DRC8: variants seen among roughly 807,000 people sequenced by gnomAD.
DRC8 encodes dynein regulatory complex protein 8.
At chr1:244,983,064 A>G in the DRC8 span, among the ~76,000 whole-genome samples, 1 of 151,954 alleles carries the variant, frequency 6.6e-6, no homozygotes, top group East Asian at 1.9e-4. Flanking sequence ...CTCCTAGGGA[A>G]AAAAAAAGAA....
chr1:245,019,400 C>T, the DRC8 span, among the ~76,000 whole-genome samples: 28 of 152,164 alleles, frequency 1.8e-4, no homozygotes, highest in African/African-American at 5.5e-4. Flanking sequence ...TTAAAAAATT[C>T]GTTTAAAGAT....
At chr1:245,040,991 A>G in the DRC8 span, among the ~76,000 whole-genome samples, 20 of 152,238 alleles carry the variant, frequency 1.3e-4, no homozygotes, top group African/African-American at 4.8e-4. Flanking sequence ...ATAAAACAGG[A>G]TGATGTAACA....
At chr1:244,992,874 A>G in the DRC8 span, among the ~76,000 whole-genome samples, 1 of 152,148 alleles carries the variant, frequency 6.6e-6, no homozygotes, top group African/African-American at 2.4e-5. Context: ...TATCTCTCAT[A>G]ATTTCTGGCT....
At chr1:245,072,766 C>T in the DRC8 span, among the ~76,000 whole-genome samples, 3 of 152,188 alleles carry the variant, frequency 2.0e-5, no homozygotes, top group South Asian at 2.1e-4. Context: ...TGGCTCGGGC[C>T]GTCCCTTGGT....
the DRC8 span, chr1:244,970,355 A>G: frequency 8.5e-6 from 13 of 1,523,440 alleles, no homozygotes; most frequent in African/African-American, 1.8e-4. Flanking sequence ...GGCGCTGAGC[A>G]GGCCGGGACA....
the DRC8 span, among the ~76,000 whole-genome samples, chr1:245,056,798 G>C: frequency 2.0e-5 from 3 of 151,940 alleles, no homozygotes; most frequent in African/African-American, 4.8e-5. Context: ...TTAGCTGGGC[G>C]TGGCGGCCCA....
At chr1:245,053,989 G>A in the DRC8 span, among the ~76,000 whole-genome samples, 1 of 143,496 alleles carries the variant, frequency 7.0e-6, no homozygotes, top group East Asian at 2.4e-4. Context: ...CACCCACCCA[G>A]TGAACAACGC....
At chr1:245,034,011 A>G in the DRC8 span, among the ~76,000 whole-genome samples, 4 of 152,016 alleles carry the variant, frequency 2.6e-5, no homozygotes, top group Non-Finnish European at 5.9e-5. Context: ...ATGAGCCACC[A>G]CAGCCGGCAT....
At chr1:244,972,565 A>C in the DRC8 span, among the ~76,000 whole-genome samples, 2 of 152,226 alleles carry the variant, frequency 1.3e-5, no homozygotes, top group Admixed American at 1.3e-4. Flanking sequence ...TCACGCCTGC[A>C]ATCCCAGCAC....
chr1:245,039,925 G>C, the DRC8 span, among the ~76,000 whole-genome samples: 2 of 152,252 alleles, frequency 1.3e-5, no homozygotes, highest in South Asian at 4.1e-4. Context: ...AACCTTAATT[G>C]CTTGCTTAAG....
chr1:245,063,486 C>T, the DRC8 span, among the ~76,000 whole-genome samples: 1 of 152,204 alleles, frequency 6.6e-6, no homozygotes, highest in Non-Finnish European at 1.5e-5. Context: ...TTAGGCCCAG[C>T]ACTTCCTCAG....
chr1:244,979,292 C>CTTTTTTTTTTTTT, the DRC8 span, among the ~76,000 whole-genome samples: 2 of 51,370 alleles, frequency 3.9e-5, no homozygotes, highest in African/African-American at 9.8e-5. Context: ...CGAAGCTTAT[C>CTTTTTTTTTTTTT]TTTTTTTTTT....
At chr1:245,007,999 T>A in the DRC8 span, among the ~76,000 whole-genome samples, 1 of 152,020 alleles carries the variant, frequency 6.6e-6, no homozygotes, top group African/African-American at 2.4e-5. Flanking sequence ...ACCTTGTCTC[T>A]ACAAATGAAA....
At chr1:245,001,227 A>G in the DRC8 span, among the ~76,000 whole-genome samples, 1 of 152,174 alleles carries the variant, frequency 6.6e-6, no homozygotes, top group Non-Finnish European at 1.5e-5. Flanking sequence ...GAATAGAAAA[A>G]TCTCTGCAAT....
chr1:245,111,018 A>G, the DRC8 span, among the ~76,000 whole-genome samples: 3 of 151,662 alleles, frequency 2.0e-5, no homozygotes, highest in African/African-American at 7.3e-5. Flanking sequence ...TTTTTTAATT[A>G]AAAAAAAACT....
At chr1:245,020,613 CTTTTT>C in the DRC8 span, among the ~76,000 whole-genome samples, 133 of 59,710 alleles carry the variant, frequency 2.2e-3, 2 homozygotes, top group Admixed American at 0.032. Flanking sequence ...GTTTTTCTTT[CTTTTT>C]TTTTTTTTTT....
At chr1:245,109,983 A>C in the DRC8 span, among the ~76,000 whole-genome samples, 1 of 152,200 alleles carries the variant, frequency 6.6e-6, no homozygotes, top group Admixed American at 6.5e-5. Context: ...GTAAGTATTT[A>C]TCATCTGACT....
At chr1:245,079,255 AT>A in the DRC8 span, among the ~76,000 whole-genome samples, 1 of 152,154 alleles carries the variant, frequency 6.6e-6, no homozygotes, top group African/African-American at 2.4e-5. Flanking sequence ...AGATTTTACA[AT>A]TTCTGCCCAA....
chr1:245,106,116 G>A, the DRC8 span, among the ~76,000 whole-genome samples: 1 of 152,186 alleles, frequency 6.6e-6, no homozygotes, highest in Non-Finnish European at 1.5e-5. Flanking sequence ...GTGTGTCATA[G>A]GTGGGCCTTA....
Sources: allele counts gnomAD v4.1 joint callset (sites outside exome capture counted in the v4.1 genomes callset), GRCh38; gene constraint gnomAD v4.1.1; transcripts MANE v1.5; gene names NCBI Gene and HGNC (gene_info 2026-07-23, HGNC 2026-07-21).